ESCO2: variants seen among roughly 807,000 people sequenced by gnomAD.
ESCO2 encodes N-acetyltransferase ESCO2.
Under a neutral mutation model 61.7 loss-of-function variants are expected in ESCO2, and 51 were observed. That is an observed-to-expected ratio of 0.83 (90% confidence interval 0.66 to 1.04). ESCO2 has a LOEUF of 1.04. Ranked by LOEUF, ESCO2 falls within the 50% of genes least tolerant of loss-of-function variation. The pLI, the probability that ESCO2 is intolerant of heterozygous loss-of-function variation, is 0.00. For missense variants in ESCO2, 692 were observed against 686.2 expected, an observed-to-expected ratio of 1.01 and a Z score of -0.09; for synonymous variants, 230 against 238.2, an observed-to-expected ratio of 0.97 and a Z score of 0.32.
At chr8:27,794,418 C>A (rs557400099) in intron 9 of ESCO2, among the ~76,000 whole-genome samples, 5 of 152,216 alleles carry the variant, frequency 3.3e-5, no homozygotes, top group Non-Finnish European at 7.4e-5. Flanking sequence ...TGAAAAATAT[C>A]TATTCTGGTT....
chr8:27,800,464 G>C (rs554076500), intron 10 of ESCO2, among the ~76,000 whole-genome samples: 18 of 152,286 alleles, frequency 1.2e-4, no homozygotes, highest in South Asian at 6.2e-4. Flanking sequence ...TAATCAAACA[G>C]ACAAGTGTTG....
Position 27,776,648 on chromosome 8 carries a change from G to A in ESCO2, c.340G>A (p.Asp114Asn), listed in dbSNP as rs1384840083. ...ESRSTCLKTNDEDKSFPIVTE... is the reference protein window; with the variant it reads ...ESRSTCLKTNNEDKSFPIVTE... The stretch of plus-strand genomic sequence containing the variant: ...TAGATCTACTTGTCTAAAAACTAAT[G>A]ATGAAGATAAATCTTTTCCCATTGT... The change falls in exon 3 of 11, where the codon GAT becomes AAT. Residue 114 changes from aspartate to asparagine, a missense_variant. Transcript: ENST00000305188. The A allele has an allele frequency of 6.2e-7, 1 of 1,613,790 alleles. No homozygotes were observed. The highest frequency in any genetic ancestry group is 1.1e-5 in the South Asian group (1 of 91,066).
chr8:27,784,644 T>G (rs1333386895), intron 5 of ESCO2, among the ~76,000 whole-genome samples: 1 of 152,166 alleles, frequency 6.6e-6, no homozygotes, highest in Admixed American at 6.5e-5. Flanking sequence ...TCATAAAGTA[T>G]AGCTGAAGCT....
rs1163085319 is a variant in ESCO2 at position 27,776,838 on chromosome 8, A to T, written c.530A>T (p.Glu177Val). Residue 177 changes from glutamate to valine, a missense_variant, in exon 3 of 11, where the codon GAG (glutamate) becomes GTG (valine). Transcript: ENST00000305188. ...QNRVIYKPIV[E>V]KENNCHSAEN... Reference sequence around the variant, plus strand: ...CGAGTGATCTATAAGCCAATTGTGGAGAAGGAAAATAATTGTCATTCAGCT... The same window carrying T: ...CGAGTGATCTATAAGCCAATTGTGGTGAAGGAAAATAATTGTCATTCAGCT... 1 of 1,614,200 alleles carries T rather than the reference A, an allele frequency of 6.2e-7. No individual in the cohort carries two copies. The highest frequency in any genetic ancestry group is 1.1e-5 in the South Asian group (1 of 91,086).
chr8:27,788,596 T>G (rs901410907), intron 6 of ESCO2, among the ~76,000 whole-genome samples: 22 of 152,224 alleles, frequency 1.4e-4, no homozygotes, highest in African/African-American at 5.1e-4. Flanking sequence ...TTGGCTCAAG[T>G]GATCCACCCA....
At chr8:27,776,223 A>T (rs1321290004) in intron 2 of ESCO2, 139 bp from the exon 3 acceptor site, 2 of 663,850 alleles carry the variant, frequency 3.0e-6, no homozygotes, top group African/African-American at 3.6e-5. Context: ...TCCTACTGTT[A>T]AACTAATAGA....
At chr8:27,791,136 T>G (rs1805166592) in intron 7 of ESCO2, among the ~76,000 whole-genome samples, 1 of 152,268 alleles carries the variant, frequency 6.6e-6, no homozygotes, top group South Asian at 2.1e-4. Flanking sequence ...TAGCACATAC[T>G]ATTATATAAA....
intron 6 of ESCO2, 21 bp downstream of exon 6, chr8:27,788,023 G>GC: frequency 6.4e-7 from 1 of 1,563,638 alleles, no homozygotes; most frequent in Non-Finnish European, 8.8e-7. Context: ...TCCAAACAAA[G>GC]CTTCTCCTAT....
chr8:27,777,125 G>T lies in ESCO2; in HGVS notation c.817G>T (p.Gly273Ter). The stretch of plus-strand genomic sequence containing the variant: ...GGTCCTAGAAGAGAAATTGAAAATT[G>T]GACTACTGAGTGCAAGCAGTAAAAA... ...CLVLEEKLKI[G>*]LLSASSKNKE... The change falls in exon 3 of 11, where the codon GGA (glycine) becomes TGA (stop). Residue 273 changes from glycine (G) to a stop codon, truncating the protein, a stop_gained. Transcript: ENST00000305188. LOFTEE classifies it high-confidence loss of function. 1 of 1,595,746 alleles carries T rather than the reference G, an allele frequency of 6.3e-7. No homozygotes were observed. The highest frequency in any genetic ancestry group is 1.2e-5 in the South Asian group (1 of 86,574).
intron 8 of ESCO2, among the ~76,000 whole-genome samples, 188 bp from the exon 9 acceptor site, chr8:27,792,480 A>G (rs1051709114): frequency 1.3e-5 from 2 of 152,236 alleles, no homozygotes; most frequent in Admixed American, 6.5e-5. Context: ...ATAGGTTCTT[A>G]AAACCTTGTT....
intron 5 of ESCO2, among the ~76,000 whole-genome samples, chr8:27,784,786 TC>T (rs1436807642): frequency 6.6e-6 from 1 of 152,136 alleles, no homozygotes; most frequent in Non-Finnish European, 1.5e-5. Flanking sequence ...GATTCTTCTC[TC>T]CCCATTTGAT....
At chr8:27,806,783 A>G (rs1329556611), downstream of ESCO2, among the ~76,000 whole-genome samples, 2 of 151,828 alleles carry the variant, frequency 1.3e-5, no homozygotes. Flanking sequence ...CGCCCAGCTA[A>G]TTTTGTATTT....
Position 27,803,344 on chromosome 8 carries a change from A to C in ESCO2, c.1712A>C (p.Glu571Ala), listed in dbSNP as rs752038951. 1 of 1,614,000 alleles carries C rather than the reference A, an allele frequency of 6.2e-7. No homozygotes were observed. The highest frequency in any genetic ancestry group is 8.5e-7 in the Non-Finnish European group (1 of 1,180,000). Residue 571 changes from glutamate (E) to alanine (A), a missense_variant, in exon 11 of 11, where the codon GAA becomes GCA. Coordinates refer to ENST00000305188, the MANE Select transcript of ESCO2 (RefSeq NM_001017420.3). ...TTTGGCTGTTTTCTCAGCACTGATG[A>C]AATAGCATTTTCTGACCCAACACCA... Reference protein sequence around the residue: ...FMFGCFLSTDEIAFSDPTPDG... With the variant: ...FMFGCFLSTDAIAFSDPTPDG...
chr8:27,786,945 T>G (rs1805059841), intron 5 of ESCO2, among the ~76,000 whole-genome samples: 1 of 151,792 alleles, frequency 6.6e-6, no homozygotes, highest in Non-Finnish European at 1.5e-5. Context: ...GTCCTTTCAT[T>G]ACAAGGCAAG....
Position 27,776,411 on chromosome 8 carries a change from T to C in ESCO2, c.103T>C (p.Cys35Arg). 6.2e-7 allele frequency: 1 copy of C among 1,607,892 alleles called. No individual in the cohort carries two copies. Among genetic ancestry groups the C allele is most frequent in the South Asian group, 1.1e-5 (1 of 89,266 alleles). Reference protein sequence around the residue: ...NLFPSPNKKHCFYQNSDKNEE... With the variant: ...NLFPSPNKKHRFYQNSDKNEE... Reference sequence around the variant, plus strand: ...GTTTCCATCACCTAATAAAAAGCACTGTTTTTATCAAAACAGTGATAAAAA... The same window carrying C: ...GTTTCCATCACCTAATAAAAAGCACCGTTTTTATCAAAACAGTGATAAAAA... Residue 35 changes from cysteine (C) to arginine (R), a missense_variant, in exon 3 of 11, where the codon TGT becomes CGT. Cys to Arg is a radical substitution (Grantham distance 180). Coordinates refer to ENST00000305188, the MANE Select transcript of ESCO2 (RefSeq NM_001017420.3).
At chr8:27,799,443 T>G (rs376788923) in intron 9 of ESCO2, 98 bp from the exon 10 acceptor site, 1 of 1,192,668 alleles carries the variant, frequency 8.4e-7, no homozygotes. Context: ...CTTGGAGATA[T>G]AAGTTAAATT....
downstream of ESCO2, among the ~76,000 whole-genome samples, chr8:27,815,261 C>G (rs1284801734): frequency 6.6e-6 from 1 of 152,180 alleles, no homozygotes; most frequent in African/African-American, 2.4e-5. Context: ...TTAACAAGCA[C>G]TCATTTATTC....
At chr8:27,789,317 A>T (rs1281456666) in intron 7 of ESCO2, among the ~76,000 whole-genome samples, 2 of 152,128 alleles carry the variant, frequency 1.3e-5, no homozygotes, top group African/African-American at 2.4e-5. Context: ...TTCAAGTCCA[A>T]ACACATCCTA....
At chr8:27,792,437 G>T (rs1805198416) in intron 8 of ESCO2, among the ~76,000 whole-genome samples, 1 of 151,984 alleles carries the variant, frequency 6.6e-6, no homozygotes, top group Admixed American at 6.6e-5. Context: ...TCCCTCCCAG[G>T]TGTCTCAATT....
Sources: allele counts gnomAD v4.1 joint callset (sites outside exome capture counted in the v4.1 genomes callset), GRCh38; gene constraint gnomAD v4.1.1; transcripts MANE v1.5; gene names NCBI Gene and HGNC (gene_info 2026-07-23, HGNC 2026-07-21).